ZC3H13: variants seen among roughly 807,000 people sequenced by gnomAD.
ZC3H13 encodes zinc finger CCCH domain-containing protein 13.
Under a neutral mutation model 204.1 loss-of-function variants are expected in ZC3H13, and 64 were observed. The observed-to-expected ratio is 0.31, with a 90% CI of 0.26 to 0.39. ZC3H13 has a LOEUF of 0.39. Among genes scored for constraint, ZC3H13 ranks in the 10% least tolerant of loss-of-function variants. The pLI is 1.00. For synonymous variants in ZC3H13, 667 were observed against 693.7 expected (o/e 0.96, Z 0.60); for missense variants, 1,833 against 2,082.7 (o/e 0.88, Z 2.33).
chr13:46,042,569 C>A (rs553595900), intron 3 of ZC3H13, among the ~76,000 whole-genome samples: 212 of 152,072 alleles, frequency 1.4e-3, no homozygotes, highest in African/African-American at 5.0e-3. Context: ...TATATGTGAA[C>A]TGAGAAAAAG....
chr13:46,040,019 C>T (rs889656150), intron 4 of ZC3H13, among the ~76,000 whole-genome samples: 1 of 152,064 alleles, frequency 6.6e-6, no homozygotes, highest in South Asian at 2.1e-4. Context: ...AAATGTAATA[C>T]ACACGCTTAG....
At position 45,956,888 on chromosome 13, in the gene ZC3H13, TA is replaced by T; in HGVS notation, c.*238del. Reference sequence around the variant, plus strand: ...TAACAAAAGGCGCAGAATAAACTACTAAATCTAGATGTTTTCACATTATTTT... The same window carrying T: ...TAACAAAAGGCGCAGAATAAACTACTAATCTAGATGTTTTCACATTATTTT... On this transcript the variant is annotated 3_prime_UTR_variant, in exon 19 of 19. Coordinates refer to ENST00000679008, the MANE Select transcript of ZC3H13 (RefSeq NM_001330564.2). 1 of 299,238 alleles carries T rather than the reference TA, an allele frequency of 3.3e-6. No homozygotes were observed. Among genetic ancestry groups the T allele is most frequent in the Non-Finnish European group, 6.0e-6 (1 of 166,178 alleles). 18.5% of individuals were successfully genotyped at this position (299,238 alleles called of 1,614,324 possible).
intron 18 of ZC3H13, among the ~76,000 whole-genome samples, chr13:45,957,722 T>G (rs763018336): frequency 6.6e-6 from 1 of 152,234 alleles, no homozygotes; most frequent in Admixed American, 6.5e-5. Context: ...TTCAGTTCTA[T>G]GAAGGTAAGT....
At chr13:45,999,547 A>G (rs981467693) in intron 8 of ZC3H13, among the ~76,000 whole-genome samples, 3 of 152,190 alleles carry the variant, frequency 2.0e-5, no homozygotes, top group Admixed American at 1.3e-4. Flanking sequence ...CATCTTCAGG[A>G]TCTACTTTTA....
chr13:46,015,945 A>C (rs1362975131), intron 5 of ZC3H13, among the ~76,000 whole-genome samples: 3 of 152,092 alleles, frequency 2.0e-5, no homozygotes, highest in Non-Finnish European at 4.4e-5. Flanking sequence ...GAAAAAAAAA[A>C]CAGGTAACAC....
intron 5 of ZC3H13, among the ~76,000 whole-genome samples, chr13:46,013,784 G>A (rs1236472204): frequency 6.6e-6 from 1 of 152,054 alleles, no homozygotes; most frequent in Non-Finnish European, 1.5e-5. Context: ...AAAATATCAA[G>A]TATAATTAGA....
intron 8 of ZC3H13, among the ~76,000 whole-genome samples, chr13:45,996,143 ATTAGT>A (rs1170818032): frequency 6.6e-6 from 1 of 152,228 alleles, no homozygotes; most frequent in Non-Finnish European, 1.5e-5. Context: ...CTACTAATGT[ATTAGT>A]TTACTTTCCT....
At chr13:45,976,997 T>C (rs111894050) in intron 11 of ZC3H13, among the ~76,000 whole-genome samples, 158 of 152,306 alleles carry the variant, frequency 1.0e-3, no homozygotes, top group African/African-American at 3.6e-3. Flanking sequence ...TTAGAGGTTA[T>C]AGACCCAGAT....
At chr13:46,020,686 A>C in intron 4 of ZC3H13, 129 bp from the exon 5 acceptor site, 1 of 620,928 alleles carries the variant, frequency 1.6e-6, no homozygotes, top group Non-Finnish European at 2.7e-6. Flanking sequence ...GTAAATAGTC[A>C]CTTATCCACT....
At chr13:46,046,826 C>A (rs1052891160) in intron 1 of ZC3H13, among the ~76,000 whole-genome samples, 1 of 151,722 alleles carries the variant, frequency 6.6e-6, no homozygotes, top group Admixed American at 6.6e-5. Flanking sequence ...CATTAGAAAA[C>A]AATATTAAAT....
chr13:45,962,607 T>C (rs1951768598), intron 17 of ZC3H13: 1 of 984,860 alleles, frequency 1.0e-6, no homozygotes, highest in Non-Finnish European at 1.2e-6. Flanking sequence ...ATTTTGTACA[T>C]GTATACTCTA....
chr13:45,963,046 T>C (rs1288892379), intron 17 of ZC3H13: 2 of 985,280 alleles, frequency 2.0e-6, no homozygotes, highest in Non-Finnish European at 2.4e-6. Context: ...TAATATTTAT[T>C]GGGTATTACT....
intron 8 of ZC3H13, among the ~76,000 whole-genome samples, chr13:45,991,061 TA>T (rs918424949): frequency 2.0e-4 from 31 of 152,304 alleles, no homozygotes; most frequent in African/African-American, 7.5e-4. Context: ...CTCAGCCTCC[TA>T]AAGTGCTGGG....
intron 1 of ZC3H13, among the ~76,000 whole-genome samples, chr13:46,048,895 C>T (rs530209555): frequency 6.6e-6 from 1 of 152,250 alleles, no homozygotes; most frequent in South Asian, 2.1e-4. Flanking sequence ...CTTTGGGAGG[C>T]CAAGGCAGGC....
chr13:46,024,630 C>T (rs2042423344), intron 4 of ZC3H13, among the ~76,000 whole-genome samples: 1 of 151,882 alleles, frequency 6.6e-6, no homozygotes, highest in African/African-American at 2.4e-5. Context: ...AATATTCTAT[C>T]TCTCATGTAC....
intron 8 of ZC3H13, among the ~76,000 whole-genome samples, chr13:45,995,771 T>C (rs1472442855): frequency 6.6e-6 from 1 of 152,238 alleles, no homozygotes; most frequent in African/African-American, 2.4e-5. Context: ...GCCATGTTTG[T>C]ACGGCCTGCA....
intron 7 of ZC3H13, 42 bp from the exon 8 acceptor site, chr13:46,003,378 C>A: frequency 6.5e-7 from 1 of 1,550,344 alleles, no homozygotes. Flanking sequence ...TCAAATATGC[C>A]AAAAGGATAT....
chr13:46,001,022 T>C (rs916618969), intron 8 of ZC3H13: 1 of 152,236 alleles, frequency 6.6e-6, no homozygotes, highest in Non-Finnish European at 1.5e-5. Context: ...CACTGTTTTA[T>C]ATGGGTGCAG....
intron 10 of ZC3H13, among the ~76,000 whole-genome samples, chr13:45,983,964 C>T (rs1953941763): frequency 6.6e-6 from 1 of 152,114 alleles, no homozygotes; most frequent in Admixed American, 6.5e-5. Flanking sequence ...TAAAAGACAC[C>T]ATTTAGTGAC....
Sources: allele counts gnomAD v4.1 joint callset (sites outside exome capture counted in the v4.1 genomes callset), GRCh38; gene constraint gnomAD v4.1.1; transcripts MANE v1.5; gene names NCBI Gene and HGNC (gene_info 2026-07-23, HGNC 2026-07-21).